CNOT11: variants seen among roughly 807,000 people sequenced by gnomAD.
The protein encoded by CNOT11 is CCR4-NOT transcription complex subunit 11.
CNOT11 carries 18 observed loss-of-function variants against 44.6 expected under a neutral mutation model. The ratio of observed to expected loss-of-function variants is 0.40; its 90% CI spans 0.28 to 0.60. CNOT11 has a LOEUF of 0.60. Ranked by LOEUF, CNOT11 falls within the 20% of genes least tolerant of loss-of-function variation. CNOT11 has a pLI of 0.38. For synonymous variants in CNOT11, 291 were observed against 270.9 expected (o/e 1.07, Z -0.73); for missense variants, 513 against 677.0 (o/e 0.76, Z 2.69).
intron 2 of CNOT11, among the ~76,000 whole-genome samples, chr2:101,259,662 G>C (rs1278737315): frequency 6.6e-6 from 1 of 152,134 alleles, no homozygotes; most frequent in Admixed American, 6.5e-5. Context: ...GTGACATTTG[G>C]CTTCTGATAT....
chr2:101,264,570 T>C (rs1681936776), intron 3 of CNOT11, among the ~76,000 whole-genome samples: 3 of 152,204 alleles, frequency 2.0e-5, no homozygotes. Flanking sequence ...AAGTGCAGCA[T>C]GGGCAGATCA....
At position 101,261,862 on chromosome 2, in the gene CNOT11, T is replaced by G. The variant is rs1681871119; in HGVS notation, c.680-677T>G. Among the ~76,000 whole-genome samples the G allele has an allele frequency of 4.8e-5, 7 of 147,138 alleles. No homozygotes were observed. In the South Asian group the frequency reaches 1.5e-3, roughly 32 times the overall value. On this transcript the variant is annotated intron_variant, in intron 2 of 6. Coordinates refer to ENST00000289382, the MANE Select transcript of CNOT11 (RefSeq NM_017546.5). The stretch of plus-strand genomic sequence containing the variant: ...TTTCTTTCTTTTTTTTTTTTTTTTT[T>G]TTGAGATGGAGTCTCGCTCTGTCGC...
Position 101,269,027 on chromosome 2 carries a change from T to G in CNOT11, c.1239-13T>G. ...AATGAAATTAATGGGCCAAATTTTC[T>G]TTTACGAAACAGACTAACTACAGCT... On this transcript the variant is annotated splice_polypyrimidine_tract_variant and intron_variant, in intron 5 of 6. Transcript: ENST00000289382. This position sits in a 1 kb window ranked among gnomAD's most constrained non-coding sequence, Gnocchi z 4.8. 1 of 1,553,090 alleles carries G rather than the reference T, an allele frequency of 6.4e-7. No homozygotes were observed. Among genetic ancestry groups the G allele is most frequent in the Non-Finnish European group, 8.7e-7 (1 of 1,143,958 alleles).
chr2:101,253,054 C>G lies in CNOT11; in HGVS notation c.90C>G (p.Ser30=), dbSNP rs939217904. 1 of 1,517,168 alleles carries G rather than the reference C, an allele frequency of 6.6e-7. No individual in the cohort carries two copies. Among genetic ancestry groups the G allele is most frequent in the African/African-American group, 1.4e-5 (1 of 69,154 alleles). 94.0% of individuals were successfully genotyped at this position (1,517,168 alleles called of 1,614,324 possible). A position where few individuals can be genotyped will look rare whatever the true frequency, so the allele number is the denominator to read the frequency against. ...CCCGGGAAGCGGCAGGGTCGGCGTC[C>G]AGGAGCGGCTTCGGGGGCTCCGGCG... ...RGSREAAGSA[S]RSGFGGSGGG... is the part of the protein sequence containing the mutation. The change falls in exon 1 of 7, where the codon TCC becomes TCG. Residue 30 remains serine (S), a synonymous_variant. Transcript: ENST00000289382. This position sits in a 1 kb window ranked among gnomAD's most constrained non-coding sequence, Gnocchi z 4.3.
At chr2:101,259,366 G>T (rs1681801151) in intron 2 of CNOT11, among the ~76,000 whole-genome samples, 1 of 152,190 alleles carries the variant, frequency 6.6e-6, no homozygotes, top group Non-Finnish European at 1.5e-5. Context: ...GGCACATTCT[G>T]TGTTAAACCT....
In CNOT11 at chr2:101,255,589, C is replaced by G. The variant is rs115584828; in HGVS notation, c.514+2111C>G. On this transcript the variant is annotated intron_variant, in intron 1 of 6. Transcript: ENST00000289382. ...GTAGATAACATAGAAGAGAAAATAT[C>G]AGTGCCTACACTCCACTCCCAGAGC... Among the ~76,000 whole-genome samples, 678 of 151,724 alleles carry G rather than the reference C, an allele frequency of 4.5e-3. 3 individuals carry two copies. Among genetic ancestry groups the G allele is most frequent in the African/African-American group, 0.016 (645 of 41,332 alleles).
At chr2:101,260,013 C>A (rs764061033) in intron 2 of CNOT11, among the ~76,000 whole-genome samples, 1 of 151,958 alleles carries the variant, frequency 6.6e-6, no homozygotes, top group East Asian at 1.9e-4. Flanking sequence ...TGTACTACTG[C>A]ACTCCAGCCT....
chr2:101,265,843 C>T (rs1681969859), intron 4 of CNOT11, among the ~76,000 whole-genome samples: 1 of 152,176 alleles, frequency 6.6e-6, no homozygotes, highest in South Asian at 2.1e-4. Context: ...TGACTCTCCT[C>T]AGGAAAGGCA....
rs1424715541 is a variant in CNOT11, at chr2:101,269,743, G to A, written c.*330G>A. ...GCATTTTTCATTAATACAGGCTTCT[G>A]ATGAACCAGGAATCCTGTTTTCGTA... On this transcript the variant is annotated 3_prime_UTR_variant, in exon 7 of 7. Transcript: ENST00000289382. This position sits in a 1 kb window ranked among gnomAD's most constrained non-coding sequence, Gnocchi z 4.8. 1 of 190,892 alleles carries A rather than the reference G, an allele frequency of 5.2e-6. No individual in the cohort carries two copies. Among genetic ancestry groups the A allele is most frequent in the Non-Finnish European group, 1.1e-5 (1 of 93,336 alleles). 11.8% of individuals were successfully genotyped at this position (190,892 alleles called of 1,614,324 possible).
chr2:101,252,902 G>A lies in CNOT11; in HGVS notation c.-63G>A. On this transcript the variant is annotated 5_prime_UTR_variant, in exon 1 of 7. Transcript: ENST00000289382. Reference sequence around the variant, plus strand: ...TGTAACAGCGCGCTTTACGGCCGCGGGGACGGAGCGAGCCGGCGCCAGGGC... The same window carrying A: ...TGTAACAGCGCGCTTTACGGCCGCGAGGACGGAGCGAGCCGGCGCCAGGGC... 2 of 1,363,178 alleles carry A rather than the reference G, an allele frequency of 1.5e-6. No homozygotes were observed. Among genetic ancestry groups the A allele is most frequent in the Non-Finnish European group, 1.9e-6 (2 of 1,062,720 alleles). 84.4% of individuals were successfully genotyped at this position (1,363,178 alleles called of 1,614,324 possible). A position where few individuals can be genotyped will look rare whatever the true frequency, so the allele number is the denominator to read the frequency against.
intron 5 of CNOT11, among the ~76,000 whole-genome samples, chr2:101,267,273 C>T (rs1055847244): frequency 6.6e-6 from 1 of 152,186 alleles, no homozygotes; most frequent in Admixed American, 6.5e-5. Flanking sequence ...CAGGTGTGTG[C>T]TACCACACCC....
Position 101,253,574 on chromosome 2 carries a change from A to T in CNOT11, c.514+96A>T. On this transcript the variant is annotated intron_variant, in intron 1 of 6. Coordinates refer to ENST00000289382, the MANE Select transcript of CNOT11 (RefSeq NM_017546.5). The surrounding 1 kb of genome is among the most constrained non-coding windows in gnomAD (Gnocchi z 4.3). ...AACTCACCTGAAAGGGAAATTAACTATCCCTGTGAAATGATCATCCTCTTT... is the reference window on the plus strand; with the variant it reads ...AACTCACCTGAAAGGGAAATTAACTTTCCCTGTGAAATGATCATCCTCTTT... 9.3e-7 allele frequency: 1 copy of T among 1,078,000 alleles called. No homozygotes were observed. The highest frequency in any genetic ancestry group is 1.3e-6 in the Non-Finnish European group (1 of 798,084). 66.8% of individuals were successfully genotyped at this position (1,078,000 alleles called of 1,614,324 possible).
At chr2:101,254,618 C>T (rs1379369690) in intron 1 of CNOT11, among the ~76,000 whole-genome samples, 2 of 152,112 alleles carry the variant, frequency 1.3e-5, no homozygotes, top group Non-Finnish European at 2.9e-5. Flanking sequence ...AGGTGGCTCA[C>T]GCCTATAATC....
rs1348565218 is a variant in CNOT11 at position 101,269,479 on chromosome 2, T to C, written c.*66T>C. On this transcript the variant is annotated 3_prime_UTR_variant, in exon 7 of 7. Coordinates refer to ENST00000289382, the MANE Select transcript of CNOT11 (RefSeq NM_017546.5). The surrounding 1 kb of genome is among the most constrained non-coding windows in gnomAD (Gnocchi z 4.8). ...TACTGTGATTTAGTTTTTACACCGTTAAAACCCTGAGTGGATTGCTTGGTT... is the reference window on the plus strand; with the variant it reads ...TACTGTGATTTAGTTTTTACACCGTCAAAACCCTGAGTGGATTGCTTGGTT... 1 of 1,392,774 alleles carries C rather than the reference T, an allele frequency of 7.2e-7. No homozygotes were observed. Among genetic ancestry groups the C allele is most frequent in the Non-Finnish European group, 1.0e-6 (1 of 989,266 alleles). 86.3% of individuals were successfully genotyped at this position (1,392,774 alleles called of 1,614,324 possible).
intron 1 of CNOT11, among the ~76,000 whole-genome samples, chr2:101,254,527 C>G (rs1314756140): frequency 2.0e-5 from 3 of 152,140 alleles, no homozygotes; most frequent in African/African-American, 7.2e-5. Flanking sequence ...GGTACTTAAC[C>G]TGCTTCTAAG....
intron 2 of CNOT11, 166 bp from the exon 3 acceptor site, chr2:101,262,373 A>G (rs1432097803): frequency 8.7e-6 from 5 of 572,708 alleles, no homozygotes; most frequent in Non-Finnish European, 1.6e-5. Flanking sequence ...CCTTTCAACA[A>G]CGCTAAGTGA....
In CNOT11 at chr2:101,269,146, AT is replaced by A. The variant is rs770808491; in HGVS notation, c.1335+15del. 2 of 1,596,812 alleles carry A rather than the reference AT, an allele frequency of 1.3e-6. No homozygotes were observed. The highest frequency in any genetic ancestry group is 4.5e-5 in the East Asian group (2 of 44,770). Reference sequence around the variant, plus strand: ...GGATAAATATATGCAGGTAATATAAATTTTTGTAAATTTTATAAATGGCTGC... The same window carrying A: ...GGATAAATATATGCAGGTAATATAAATTTTGTAAATTTTATAAATGGCTGC... On this transcript the variant is annotated intron_variant, in intron 6 of 6. Transcript: ENST00000289382. The surrounding 1 kb of genome is among the most constrained non-coding windows in gnomAD (Gnocchi z 4.8).
chr2:101,268,228 A>G (rs1682035465), intron 5 of CNOT11, among the ~76,000 whole-genome samples: 1 of 152,172 alleles, frequency 6.6e-6, no homozygotes, highest in Non-Finnish European at 1.5e-5. Context: ...TCTTTCCCCT[A>G]CTGAGTGAAG....
At chr2:101,268,504 C>T (rs1032578066) in intron 5 of CNOT11, among the ~76,000 whole-genome samples, 10 of 152,148 alleles carry the variant, frequency 6.6e-5, no homozygotes, top group Admixed American at 5.2e-4. Context: ...CGTTTTTTGG[C>T]GACGCACAAA....
Sources: gnomAD v4.1 joint callset for allele counts (sites outside exome capture counted in the v4.1 genomes callset) on GRCh38, gnomAD v4.1.1 for gene constraint, Gnocchi (gnomAD v3.1) non-coding constraint, MANE v1.5 for transcripts, NCBI Gene and HGNC (gene_info 2026-07-23, HGNC 2026-07-21) for gene names.